The following INPP5F variants were observed in gnomAD, a reference collection of about 807,000 sequenced individuals.
INPP5F encodes inositol polyphosphate-5-phosphatase F, also known as phosphatidylinositide 4-phosphatase SAC2.
INPP5F carries 97 observed loss-of-function variants against 137.2 expected under a neutral mutation model. The observed-to-expected ratio is 0.71, with a 90% confidence interval of 0.60 to 0.84. INPP5F has a LOEUF of 0.84. INPP5F is among the 40% of genes least tolerant of loss of function. The probability of loss-of-function intolerance (pLI) is 0.00; values close to 1 mark genes in which losing one functional copy is unlikely to be tolerated. For synonymous variants in INPP5F, 504 were observed against 476.9 expected, an observed-to-expected ratio of 1.06 and a Z score of -0.74; for missense variants, 1,271 against 1,371.9, an observed-to-expected ratio of 0.93 and a Z score of 1.16.
chr10:119,749,344 C>G (rs982573179), intron 1 of INPP5F, among the ~76,000 whole-genome samples: 3 of 152,214 alleles, frequency 2.0e-5, no homozygotes, highest in Non-Finnish European at 4.4e-5. Context: ...CGCGCCTCCC[C>G]GGATGCATCC....
rs1028091245 is a variant in INPP5F, at chr10:119,748,870, C to G, written c.98-2206C>G. Among the ~76,000 whole-genome samples, 1 of 152,160 alleles carries G rather than the reference C, an allele frequency of 6.6e-6. No individual in the cohort carries two copies. The highest frequency in any genetic ancestry group is 2.4e-5 in the African/African-American group (1 of 41,436). On this transcript the variant is annotated intron_variant, in intron 1 of 19. Coordinates refer to ENST00000650623, the MANE Select transcript of INPP5F (RefSeq NM_014937.4). This position sits in a 1 kb window ranked among gnomAD's most constrained non-coding sequence, Gnocchi z 4.7. ...GGTGGGGTTTTACCTGTGATCTGCC[C>G]CTTTCTGGACAGGAACCTGTGTCTG...
At chr10:119,767,918 G>T (rs1332574180) in intron 2 of INPP5F, among the ~76,000 whole-genome samples, 1 of 152,184 alleles carries the variant, frequency 6.6e-6, no homozygotes, top group African/African-American at 2.4e-5. Context: ...GAGTCATTTG[G>T]TTTACATTTT....
In INPP5F at chr10:119,792,184, T is replaced by C. The variant is rs937328688; in HGVS notation, c.640T>C (p.Tyr214His). The C allele has an allele frequency of 1.9e-6, 3 of 1,613,802 alleles. No homozygotes were observed. The Admixed American group carries it at 5.0e-5, about 27-fold the overall frequency. The change falls in exon 6 of 20, where the codon TAC becomes CAC. Residue 214 changes from tyrosine to histidine, a missense_variant. Physicochemically the swap from Tyr to His is moderately conservative, Grantham distance 83. Around this residue, in one of 6 missense-constraint regions of INPP5F, gnomAD observed 593 missense variants for 712.4 expected, o/e 0.83. Transcript: ENST00000650623. ...TGATGACCGATTTTTTTGGAATAAATACATGATACAAGATCTTACTGAGAT... is the reference window on the plus strand; with the variant it reads ...TGATGACCGATTTTTTTGGAATAAACACATGATACAAGATCTTACTGAGAT... The part of the protein sequence containing the change: ...KVDDRFFWNK[Y>H]MIQDLTEIGT...
chr10:119,750,385 T>C (rs1208818199), intron 1 of INPP5F, among the ~76,000 whole-genome samples: 1 of 152,216 alleles, frequency 6.6e-6, no homozygotes, highest in Non-Finnish European at 1.5e-5. Context: ...ATAAACCCTG[T>C]CCTTAGGCAT....
At chr10:119,775,465 A>G (rs1404514401) in intron 2 of INPP5F, among the ~76,000 whole-genome samples, 3 of 151,990 alleles carry the variant, frequency 2.0e-5, no homozygotes, top group Non-Finnish European at 4.4e-5. Context: ...GGGTTTCCCC[A>G]TATTGCCCAG....
chr10:119,804,385 G>A, intron 10 of INPP5F, 88 bp downstream of exon 10: 1 of 1,122,126 alleles, frequency 8.9e-7, no homozygotes, highest in East Asian at 2.7e-5. Context: ...CTTCTTTGCT[G>A]GGAATAAAAA....
chr10:119,768,289 G>T (rs1589693487), intron 2 of INPP5F: 2 of 152,322 alleles, frequency 1.3e-5, no homozygotes, highest in Admixed American at 6.5e-5. Context: ...GCTAGTAGAG[G>T]TCTAAGGTGG....
In INPP5F at chr10:119,792,167, G is replaced by A. The variant is rs1850170214; in HGVS notation, c.623G>A (p.Arg208Gln). 1.2e-6 allele frequency: 2 copies of A among 1,613,906 alleles called. No individual in the cohort carries two copies. The highest frequency in any genetic ancestry group is 2.7e-5 in the African/African-American group (2 of 74,920). The change falls in exon 6 of 20, where the codon CGA (arginine) becomes CAA (glutamine). Residue 208 changes from arginine (R) to glutamine (Q), a missense_variant. By Grantham distance (43) the Arg-to-Gln change is conservative. This residue lies in a region of INPP5F where 593 missense variants were observed against 712.4 expected (regional missense o/e 0.83). Transcript: ENST00000650623. ...CTGCACCTTTTCTAGGTTGATGACCGATTTTTTTGGAATAAATACATGATA... is the reference window on the plus strand; with the variant it reads ...CTGCACCTTTTCTAGGTTGATGACCAATTTTTTTGGAATAAATACATGATA... ...GRPLWQKVDD[R>Q]FFWNKYMIQD...
At chr10:119,727,370 G>C (rs553535925) in intron 1 of INPP5F, among the ~76,000 whole-genome samples, 1 of 152,206 alleles carries the variant, frequency 6.6e-6, no homozygotes, top group African/African-American at 2.4e-5. Context: ...TCACAGCGTG[G>C]TATCACTTAT....
intron 19 of INPP5F, among the ~76,000 whole-genome samples, chr10:119,824,946 C>G (rs558233177): frequency 6.6e-6 from 1 of 152,306 alleles, no homozygotes; most frequent in African/African-American, 2.4e-5. Flanking sequence ...ATAGATGCCT[C>G]CTGTGATCAG....
intron 4 of INPP5F, 108 bp downstream of exon 4, chr10:119,791,753 G>A (rs1850153976): frequency 2.3e-6 from 3 of 1,318,514 alleles, no homozygotes; most frequent in Non-Finnish European, 2.1e-6. Context: ...TTGTATTGAA[G>A]CACCATCTCC....
At chr10:119,746,667 A>C (rs1345105485) in intron 1 of INPP5F, among the ~76,000 whole-genome samples, 1 of 152,250 alleles carries the variant, frequency 6.6e-6, no homozygotes, top group Admixed American at 6.5e-5. Context: ...CAAACATGTC[A>C]AAGAGTTGAA....
intron 6 of INPP5F, among the ~76,000 whole-genome samples, chr10:119,796,030 AC>A (rs2134220298): frequency 7.6e-6 from 1 of 130,776 alleles, no homozygotes; most frequent in Admixed American, 8.9e-5. Context: ...TGGCAGCAGT[AC>A]CGTCCAGCTT....
chr10:119,735,448 A>G (rs552605767), intron 1 of INPP5F, among the ~76,000 whole-genome samples: 87 of 152,234 alleles, frequency 5.7e-4, no homozygotes, highest in Non-Finnish European at 1.1e-3. Flanking sequence ...TGCAATGTCA[A>G]TATGTACGAT....
chr10:119,786,982 T>G (rs1849942708), intron 3 of INPP5F, among the ~76,000 whole-genome samples: 1 of 151,992 alleles, frequency 6.6e-6, no homozygotes, highest in Non-Finnish European at 1.5e-5. Flanking sequence ...TTTTTTGGGG[T>G]TTTCAAAAGG....
At chr10:119,735,660 T>C (rs1335293546) in intron 1 of INPP5F, among the ~76,000 whole-genome samples, 1 of 152,118 alleles carries the variant, frequency 6.6e-6, no homozygotes, top group Non-Finnish European at 1.5e-5. Flanking sequence ...GACCCGGGAG[T>C]TGAGCAGAGT....
intron 1 of INPP5F, among the ~76,000 whole-genome samples, chr10:119,737,815 G>A (rs1848258321): frequency 6.6e-6 from 1 of 152,042 alleles, no homozygotes; most frequent in Admixed American, 6.6e-5. Flanking sequence ...TTGTGTTGGT[G>A]ATTGTCTTTT....
chr10:119,792,269 T>C, intron 6 of INPP5F, 56 bp downstream of exon 6: 3 of 1,238,524 alleles, frequency 2.4e-6, no homozygotes, highest in Non-Finnish European at 1.2e-6. Flanking sequence ...TGTTTGTTTC[T>C]AAAACGTCTG....
chr10:119,808,777 G>A (rs1850906327), intron 13 of INPP5F, among the ~76,000 whole-genome samples: 2 of 152,276 alleles, frequency 1.3e-5, no homozygotes, highest in South Asian at 4.1e-4. Flanking sequence ...TTTAAATTAG[G>A]TTTATGTTAA....
Sources: gnomAD v4.1 joint callset for allele counts (sites outside exome capture counted in the v4.1 genomes callset) on GRCh38, gnomAD v4.1.1 for gene constraint, gnomAD v4.1.1 regional missense constraint, Gnocchi (gnomAD v3.1) non-coding constraint, MANE v1.5 for transcripts, NCBI Gene and HGNC (gene_info 2026-07-23, HGNC 2026-07-21) for gene names.